Variants in NAALADL2 observed in about 807,000 individuals in gnomAD.
NAALADL2 encodes inactive N-acetylated-alpha-linked acidic dipeptidase-like protein 2.
A neutral mutation model predicts 87.2 loss-of-function variants in NAALADL2; 76 were observed. The observed-to-expected ratio is 0.87, with a 90% CI of 0.72 to 1.05. The LOEUF is 1.05. NAALADL2 is among the 50% of genes least tolerant of loss of function. The probability of loss-of-function intolerance (pLI) is 0.00; values close to 1 mark genes in which losing one functional copy is unlikely to be tolerated. For missense variants in NAALADL2, 1,089 were observed against 945.8 expected, an observed-to-expected ratio of 1.15 and a Z score of -1.99; for synonymous variants, 354 against 331.0, an observed-to-expected ratio of 1.07 and a Z score of -0.75.
chr3:174,585,061 A>G (rs370714698), intron 2 of NAALADL2, among the ~76,000 whole-genome samples: 2 of 152,204 alleles, frequency 1.3e-5, no homozygotes, highest in Admixed American at 6.5e-5. Context: ...ATCTGTATAT[A>G]TAAGAATAAC....
intron 11 of NAALADL2, among the ~76,000 whole-genome samples, chr3:175,648,606 A>G (rs953309140): frequency 2.6e-5 from 4 of 151,170 alleles, no homozygotes; most frequent in Admixed American, 2.0e-4. Flanking sequence ...ATACTTGGCT[A>G]GCAAATGCTT....
intron 3 of NAALADL2, among the ~76,000 whole-genome samples, chr3:174,797,305 C>CTTTTTTTTTTTTTTTTTTTT (rs1160338109): frequency 4.3e-4 from 31 of 72,712 alleles, no homozygotes; most frequent in African/African-American, 1.3e-3. Flanking sequence ...TTTCTTTTTT[C>CTTTTTTTTTTTTTTTTTTTT]TTTTTTTTTT....
At position 175,198,288 on chromosome 3, in the gene NAALADL2, C is replaced by G. The variant is rs13095273; in HGVS notation, c.546-35643C>G. 8.8e-3 allele frequency among the ~76,000 whole-genome samples: 1,340 copies of G among 152,014 alleles called. 3 individuals are homozygous for G. Among genetic ancestry groups the G allele is most frequent in the South Asian group, 0.03 (147 of 4,830 alleles). ...TTCTAGTTATAGAATTTTAATTTTA[C>G]ATTAATGGAAAAAGTGAAGGAGATT... is the stretch of plus-strand genomic sequence containing the variant. On this transcript the variant is annotated intron_variant, in intron 2 of 13. Transcript: ENST00000454872.
chr3:174,451,952 C>T (rs907919496), intron 1 of NAALADL2, among the ~76,000 whole-genome samples: 9 of 144,248 alleles, frequency 6.2e-5, no homozygotes, highest in African/African-American at 1.3e-4. Flanking sequence ...AAGAGATTCT[C>T]GTGCCTCAGC....
intron 2 of NAALADL2, among the ~76,000 whole-genome samples, chr3:174,685,224 A>G (rs541483810): frequency 1.1e-4 from 17 of 152,242 alleles, no homozygotes; most frequent in Non-Finnish European, 2.2e-4. Context: ...ACATGATTTC[A>G]GTGTTCCTTG....
At chr3:174,730,375 T>G (rs999332627) in intron 2 of NAALADL2, among the ~76,000 whole-genome samples, 1 of 152,122 alleles carries the variant, frequency 6.6e-6, no homozygotes, top group Admixed American at 6.6e-5. Flanking sequence ...ATCTGAACAG[T>G]GGCCAGTCAT....
chr3:175,276,387 C>T (rs1753597165), intron 4 of NAALADL2, among the ~76,000 whole-genome samples: 1 of 151,506 alleles, frequency 6.6e-6, no homozygotes, highest in South Asian at 2.1e-4. Context: ...GCAACCTCCA[C>T]CTCCCAGGTT....
intron 2 of NAALADL2, among the ~76,000 whole-genome samples, chr3:175,186,267 T>G (rs1223959686): frequency 6.6e-6 from 1 of 151,978 alleles, no homozygotes; most frequent in Non-Finnish European, 1.5e-5. Context: ...CCTGAGAGAA[T>G]TCTCTTCTTC....
chr3:175,361,266 C>T (rs369354662), intron 5 of NAALADL2, among the ~76,000 whole-genome samples: 7,502 of 137,572 alleles, frequency 0.055, 318 homozygotes, highest in South Asian at 0.074. Context: ...CAGTCTATCA[C>T]TGATGGACAT....
intron 13 of NAALADL2, among the ~76,000 whole-genome samples, chr3:175,780,837 T>C (rs1032155356): frequency 2.0e-5 from 3 of 152,234 alleles, no homozygotes; most frequent in Non-Finnish European, 2.9e-5. Context: ...CTGCGATAAA[T>C]ATAGCAATAT....
intron 2 of NAALADL2, among the ~76,000 whole-genome samples, chr3:174,591,932 CTG>C (rs1371427385): frequency 1.3e-5 from 2 of 152,100 alleles, no homozygotes; most frequent in African/African-American, 2.4e-5. Flanking sequence ...TGACATAGGT[CTG>C]TGTATTTTTC....
In NAALADL2 at chr3:175,689,488, A is replaced by G. The variant is rs1013225063; in HGVS notation, c.1897-47818A>G. 2.6e-5 allele frequency among the ~76,000 whole-genome samples: 4 copies of G among 152,140 alleles called. No homozygotes were observed. The South Asian group carries it at 8.3e-4, about 31-fold the overall frequency. ...TAATTCCTATAATTGATGAAAGATA[A>G]TAGATTGAGTTTTAACCAGGAGCTT... On this transcript the variant is annotated intron_variant, in intron 11 of 13. Coordinates refer to ENST00000454872, the MANE Select transcript of NAALADL2 (RefSeq NM_207015.3).
chr3:175,060,158 C>G (rs1473572081), intron 1 of NAALADL2: 1 of 180,904 alleles, frequency 5.5e-6, no homozygotes, highest in Non-Finnish European at 1.2e-5. Context: ...AGAAAGAAAA[C>G]AAACCCCAAC....
chr3:174,691,781 T>G (rs78168080), intron 2 of NAALADL2, among the ~76,000 whole-genome samples: 1 of 152,216 alleles, frequency 6.6e-6, no homozygotes, highest in African/African-American at 2.4e-5. Flanking sequence ...AAATCTTCTC[T>G]TGTTATTTCA....
At chr3:174,717,574 C>T (rs1731302241) in intron 2 of NAALADL2, among the ~76,000 whole-genome samples, 2 of 152,006 alleles carry the variant, frequency 1.3e-5, no homozygotes, top group African/African-American at 2.4e-5. Context: ...ACAAAAGGTG[C>T]CTAAGATTTT....
chr3:175,352,050 G>A (rs769081812), intron 5 of NAALADL2, among the ~76,000 whole-genome samples: 2 of 152,070 alleles, frequency 1.3e-5, no homozygotes, highest in East Asian at 1.9e-4. Context: ...TGACACGCAT[G>A]CATCGAGAGG....
At chr3:174,915,926 G>T (rs1377241209) in intron 1 of NAALADL2, among the ~76,000 whole-genome samples, 2 of 152,060 alleles carry the variant, frequency 1.3e-5, no homozygotes, top group Non-Finnish European at 2.9e-5. Context: ...ATAATCAGCA[G>T]AGTAAACAGG....
chr3:174,472,556 TC>T (rs1317675901), intron 1 of NAALADL2, among the ~76,000 whole-genome samples: 1 of 152,180 alleles, frequency 6.6e-6, no homozygotes, highest in African/African-American at 2.4e-5. Flanking sequence ...AATACCAAGA[TC>T]ACTTTGTGTC....
chr3:174,801,298 C>T (rs1165397796), intron 3 of NAALADL2, among the ~76,000 whole-genome samples: 3 of 152,102 alleles, frequency 2.0e-5, no homozygotes, highest in Admixed American at 6.6e-5. Context: ...ATTTGCATGA[C>T]AGTGAATAAG....
Sources: gnomAD v4.1 joint callset for allele counts (sites outside exome capture counted in the v4.1 genomes callset) on GRCh38, gnomAD v4.1.1 for gene constraint, MANE v1.5 for transcripts, NCBI Gene and HGNC (gene_info 2026-07-23, HGNC 2026-07-21) for gene names.